Variants in PUDP observed in about 807,000 individuals in gnomAD.
PUDP encodes the protein pseudouridine 5'-phosphatase.
Under a neutral mutation model 9.4 loss-of-function variants are expected in PUDP, and 8 were observed. That is an observed-to-expected ratio of 0.85 (90% CI 0.50 to 1.53). The LOEUF (loss-of-function observed/expected upper bound fraction) is 1.53, where lower values mean the gene tolerates loss of function less well. Ranked by LOEUF, PUDP falls within the 40% of genes most tolerant of loss-of-function variation. The pLI, the probability that PUDP is intolerant of heterozygous loss-of-function variation, is 0.00. For missense variants in PUDP, 188 were observed against 189.7 expected (o/e 0.99, Z 0.05); for synonymous variants, 99 against 80.7 (o/e 1.23, Z -1.22).
At chrX:7,005,560 C>A (rs1302578353) in intron 1 of PUDP, among the ~76,000 whole-genome samples, 1 of 109,077 alleles carries the variant, frequency 9.2e-6, no homozygotes, top group Non-Finnish European at 1.9e-5. Flanking sequence ...CAAGCATGAA[C>A]CACCACGCCC....
At chrX:6,850,028 A>G (rs760271985) in intron 3 of PUDP, among the ~76,000 whole-genome samples, 5 of 111,633 alleles carry the variant, frequency 4.5e-5, no homozygotes, top group African/African-American at 1.3e-4. Flanking sequence ...TAAAATGTAC[A>G]TGAGTTTCTC....
At chrX:6,878,345 T>C (rs184057688) in intron 3 of PUDP, among the ~76,000 whole-genome samples, 1 of 109,543 alleles carries the variant, frequency 9.1e-6, no homozygotes, top group Admixed American at 9.9e-5. Context: ...TCCTATATTA[T>C]AAAACATTAC....
At chrX:6,792,852 A>C (rs757345178) in intron 3 of PUDP, among the ~76,000 whole-genome samples, 1 of 112,695 alleles carries the variant, frequency 8.9e-6, no homozygotes, top group Admixed American at 9.3e-5. Flanking sequence ...ATGGGTGAAA[A>C]GTCTTTTCTC....
intron 3 of PUDP, among the ~76,000 whole-genome samples, chrX:6,928,796 G>A (rs1338062348): frequency 9.0e-6 from 1 of 111,202 alleles, no homozygotes; most frequent in African/African-American, 3.3e-5. Flanking sequence ...TACTAGTGAG[G>A]CTGAGGTAGG....
At chrX:6,769,690 G>A (rs1461049497) in intron 3 of PUDP, among the ~76,000 whole-genome samples, 1 of 112,337 alleles carries the variant, frequency 8.9e-6, no homozygotes, top group African/African-American at 3.2e-5. Flanking sequence ...GCAAAGGTAC[G>A]TTATCATTGC....
intron 3 of PUDP, among the ~76,000 whole-genome samples, chrX:6,781,692 G>T (rs374829143): frequency 8.9e-6 from 1 of 112,279 alleles, no homozygotes; most frequent in African/African-American, 3.2e-5. Context: ...CCTTTGTAAA[G>T]TTCCAGGAGA....
At chrX:6,808,507 G>T (rs1339418317) in intron 3 of PUDP, among the ~76,000 whole-genome samples, 4 of 111,628 alleles carry the variant, frequency 3.6e-5, no homozygotes, top group Admixed American at 9.5e-5. Context: ...TCACATTTAT[G>T]GTCTGATTTT....
intron 3 of PUDP, among the ~76,000 whole-genome samples, chrX:7,054,696 C>A (rs1484711924): frequency 2.7e-5 from 3 of 112,063 alleles, no homozygotes; most frequent in Non-Finnish European, 5.6e-5. Context: ...GCACCTGAAA[C>A]CCTCTTCTTC....
upstream of PUDP, among the ~76,000 whole-genome samples, chrX:6,726,240 A>G (rs1924736961): frequency 9.0e-6 from 1 of 111,597 alleles, no homozygotes. Flanking sequence ...TGTTAACAGT[A>G]TACATTCTAC....
intron 3 of PUDP, among the ~76,000 whole-genome samples, chrX:7,069,274 C>A (rs1930659435): frequency 9.0e-6 from 1 of 110,984 alleles, no homozygotes; most frequent in Admixed American, 9.6e-5. Context: ...GGTGAGGAGG[C>A]GAGGATGCAG....
chrX:7,035,710 T>C (rs1376837337), intron 1 of PUDP, among the ~76,000 whole-genome samples: 1 of 112,039 alleles, frequency 8.9e-6, no homozygotes, highest in African/African-American at 3.2e-5. Context: ...TACATAGCTA[T>C]TTGTAGCCTT....
chrX:7,118,195 C>G (rs1332988555), intron 1 of PUDP, among the ~76,000 whole-genome samples: 2 of 112,170 alleles, frequency 1.8e-5, no homozygotes, highest in Admixed American at 1.9e-4. Context: ...AGATCTAATT[C>G]ATGTATATAT....
intron 3 of PUDP, among the ~76,000 whole-genome samples, chrX:6,759,469 C>T (rs1031316210): frequency 9.0e-6 from 1 of 111,476 alleles, no homozygotes; most frequent in South Asian, 3.8e-4. Flanking sequence ...ACATTTGGGA[C>T]CATATAATCT....
intron 3 of PUDP, among the ~76,000 whole-genome samples, chrX:6,761,046 G>GT (rs1569093948): frequency 1.0e-5 from 1 of 95,360 alleles, no homozygotes; most frequent in Non-Finnish European, 2.2e-5. Context: ...TTGTTTGTTT[G>GT]TTTTTTCCAG....
intron 3 of PUDP, among the ~76,000 whole-genome samples, chrX:6,834,177 T>G (rs1230984805): frequency 8.9e-6 from 1 of 111,954 alleles, no homozygotes; most frequent in East Asian, 2.8e-4. Flanking sequence ...AAGCGAGAGT[T>G]TAATTTTTAA....
chrX:6,731,649 C>T (rs1924808833), intron 3 of PUDP, among the ~76,000 whole-genome samples: 1 of 108,780 alleles, frequency 9.2e-6, no homozygotes, highest in African/African-American at 3.4e-5. Flanking sequence ...CAAACAGGTT[C>T]ATATAATTAT....
chrX:6,990,630 C>T (rs1415817597), intron 1 of PUDP, among the ~76,000 whole-genome samples: 1 of 112,208 alleles, frequency 8.9e-6, no homozygotes, highest in African/African-American at 3.2e-5. Context: ...GCTGTCCAGG[C>T]TGCAGAGAGG....
At chrX:7,108,326 C>G (rs1213412893) in intron 1 of PUDP, among the ~76,000 whole-genome samples, 1 of 112,097 alleles carries the variant, frequency 8.9e-6, no homozygotes, top group Non-Finnish European at 1.9e-5. Flanking sequence ...CTGCACTTGC[C>G]TGGGGAACTC....
chrX:6,770,715 A>G (rs1471977895), intron 3 of PUDP, among the ~76,000 whole-genome samples: 1 of 111,693 alleles, frequency 9.0e-6, no homozygotes, highest in Non-Finnish European at 1.9e-5. Context: ...CACACCACCA[A>G]TTCATCCACA....
Sources: allele counts gnomAD v4.1 joint callset (sites outside exome capture counted in the v4.1 genomes callset), GRCh38; gene constraint gnomAD v4.1.1; transcripts MANE v1.5; gene names NCBI Gene and HGNC (gene_info 2026-07-23, HGNC 2026-07-21).